The following GUCD1 variants were observed in gnomAD, a reference collection of about 807,000 sequenced individuals.
The protein encoded by GUCD1 is guanylyl cyclase domain containing 1, also known as protein GUCD1.
A neutral mutation model predicts 28.3 loss-of-function variants in GUCD1; 17 were observed. The observed-to-expected ratio is 0.60, with a 90% CI of 0.41 to 0.90. The LOEUF (loss-of-function observed/expected upper bound fraction) is 0.90. Ranked by LOEUF, GUCD1 falls within the 40% of genes least tolerant of loss-of-function variation. GUCD1 has a pLI of 0.00. For missense variants in GUCD1, 279 were observed against 305.5 expected (o/e 0.91, Z 0.65); for synonymous variants, 129 against 123.3 (o/e 1.05, Z -0.30).
rs1223270852 is a variant in GUCD1 at position 24,555,066 on chromosome 22, G to A, written c.-75C>T. 3.0e-6 allele frequency: 4 copies of A among 1,351,738 alleles called. No homozygotes were observed. In the East Asian group the frequency reaches 9.1e-5, roughly 31 times the overall value. The allele number at this position is 1,351,738 out of a possible 1,614,324, so 83.7% of individuals were successfully genotyped here. A position where few individuals can be genotyped will look rare whatever the true frequency, so the allele number is the denominator to read the frequency against. ...GCTTCCGCTTCGGCTGGGGCGGGAG[G>A]GCGGTCGGTGCGTGTCGAGTTCCTT... On this transcript the variant is annotated 5_prime_UTR_variant, in exon 1 of 6. Transcript: ENST00000435822.
intron 3 of GUCD1, chr22:24,547,532 T>TA (rs1169027982): frequency 1.4e-5 from 3 of 214,966 alleles, no homozygotes; most frequent in Non-Finnish European, 1.9e-5. Flanking sequence ...TGGTGAAAAG[T>TA]AAAAAAATGT....
chr22:24,547,071 GAAAT>G, intron 3 of GUCD1, 66 bp from the exon 4 acceptor site: 2 of 1,236,984 alleles, frequency 1.6e-6, no homozygotes, highest in Non-Finnish European at 2.4e-6. Context: ...TTAGATGAAG[GAAAT>G]AAAGAGCGTG....
Position 24,549,133 on chromosome 22 carries a change from A to G in GUCD1, c.44-132T>C. 3 of 614,546 alleles carry G rather than the reference A, an allele frequency of 4.9e-6. No homozygotes were observed. In the South Asian group the frequency reaches 5.7e-5, roughly 12 times the overall value. 38.1% of individuals were successfully genotyped at this position (614,546 alleles called of 1,614,324 possible). A position where few individuals can be genotyped will look rare whatever the true frequency, so the allele number is the denominator to read the frequency against. ...CTCAGGGACCTTCCCACAATCCTTCAGGAATCCCCTCAAATCCAGGCTCCT... is the reference window on the plus strand; with the variant it reads ...CTCAGGGACCTTCCCACAATCCTTCGGGAATCCCCTCAAATCCAGGCTCCT... On this transcript the variant is annotated intron_variant, in intron 1 of 5. Transcript: ENST00000435822.
chr22:24,543,737 G>C, intron 5 of GUCD1, 105 bp downstream of exon 5: 1 of 1,405,042 alleles, frequency 7.1e-7, no homozygotes, highest in Non-Finnish European at 9.8e-7. Context: ...GGTAGGGAGG[G>C]AGGCCCTGGC....
At chr22:24,554,469 A>G (rs2044975247) in intron 1 of GUCD1, among the ~76,000 whole-genome samples, 2 of 152,148 alleles carry the variant, frequency 1.3e-5, no homozygotes, top group South Asian at 2.1e-4. Context: ...CCCCTCCCCT[A>G]CGTCTTGGGC....
upstream of GUCD1, chr22:24,555,663 C>T (rs1471538775): frequency 7.7e-6 from 12 of 1,550,548 alleles, no homozygotes; most frequent in Non-Finnish European, 1.0e-5. Flanking sequence ...AAGTCCTGGC[C>T]CTTGGCCCAA....
intron 1 of GUCD1, among the ~76,000 whole-genome samples, chr22:24,550,570 C>A (rs1457524242): frequency 6.6e-6 from 1 of 152,206 alleles, no homozygotes; most frequent in Non-Finnish European, 1.5e-5. Context: ...ATTGTTTCCC[C>A]ATCTGGCAGG....
rs1601529772 is a variant in GUCD1, at chr22:24,541,769, G to A, written c.*1237C>T. The A allele has an allele frequency of 1.3e-5, 2 of 152,238 alleles. No individual in the cohort carries two copies. Among genetic ancestry groups the A allele is most frequent in the East Asian group, 1.9e-4 (1 of 5,192 alleles). The allele number at this position is 152,238 out of a possible 1,614,324, so 9.4% of individuals were successfully genotyped here. On this transcript the variant is annotated 3_prime_UTR_variant, in exon 6 of 6. Transcript: ENST00000435822. Reference sequence around the variant, plus strand: ...GCTGCCTCGTCTGAGAGGTGAAGGGGCAGGTACTTAAACCACTGGCCAAGT... The same window carrying A: ...GCTGCCTCGTCTGAGAGGTGAAGGGACAGGTACTTAAACCACTGGCCAAGT...
intron 1 of GUCD1, 142 bp from the exon 2 acceptor site, chr22:24,549,143 T>G (rs1421472921): frequency 1.6e-6 from 1 of 606,570 alleles, no homozygotes; most frequent in Non-Finnish European, 3.0e-6. Context: ...AGGAATCCCC[T>G]CAAATCCAGG....
Position 24,549,438 on chromosome 22 carries a change from C to A in GUCD1, c.44-437G>T, listed in dbSNP as rs146206351. Among the ~76,000 whole-genome samples, 511 of 152,244 alleles carry A rather than the reference C, an allele frequency of 3.4e-3. 4 individuals are homozygous for A. The highest frequency in any genetic ancestry group is 0.011 in the African/African-American group (475 of 41,542). On this transcript the variant is annotated intron_variant, in intron 1 of 5. Transcript: ENST00000435822. ...TATTGCCCCTCTCAGGCCCAGTGAC[C>A]CACATGTGCATTCACTTCCCACCAT...
rs149529420 is a variant in GUCD1 at position 24,548,153 on chromosome 22, G to A, written c.129-80C>T. 2,079 of 1,248,016 alleles carry A rather than the reference G, an allele frequency of 1.7e-3. 2 individuals are homozygous for A. The highest frequency in any genetic ancestry group is 2.2e-3 in the Non-Finnish European group (1,908 of 876,212). The allele number at this position is 1,248,016 out of a possible 1,614,324, so 77.3% of individuals were successfully genotyped here. ...AGTCACCCTCCACCCACTGGCCCAA[G>A]AGCCCCGTCACAGGTCCCATTCCCC... On this transcript the variant is annotated intron_variant, in intron 2 of 5. Transcript: ENST00000435822.
At chr22:24,553,231 A>G (rs1450450517) in intron 1 of GUCD1, among the ~76,000 whole-genome samples, 1 of 152,170 alleles carries the variant, frequency 6.6e-6, no homozygotes, top group Non-Finnish European at 1.5e-5. Flanking sequence ...GGAGTGTCCA[A>G]TCTTTTGGCT....
chr22:24,554,820 CTG>C, intron 1 of GUCD1, 127 bp downstream of exon 1: 1 of 698,032 alleles, frequency 1.4e-6, no homozygotes, highest in Non-Finnish European at 2.5e-6. Context: ...CCCCCACTGA[CTG>C]GAACCAGGCG....
upstream of GUCD1, chr22:24,555,827 A>T (rs1254298349): frequency 1.9e-6 from 3 of 1,545,358 alleles, no homozygotes; most frequent in East Asian, 7.3e-5. Context: ...CCCAGTCATC[A>T]GCCCTCTTTT....
At chr22:24,543,764 GGTGGGAACT>G (rs2044652638) in intron 5 of GUCD1, 69 bp downstream of exon 5, 1 of 1,545,084 alleles carries the variant, frequency 6.5e-7, no homozygotes, top group Non-Finnish European at 8.8e-7. Context: ...AGATTGAATG[GGTGGGAACT>G]GTGGGCACTG....
At position 24,555,111 on chromosome 22, in the gene GUCD1, G is replaced by A; in HGVS notation, c.-120C>T. The A allele has an allele frequency of 7.6e-7, 1 of 1,316,790 alleles. No individual in the cohort carries two copies. The highest frequency in any genetic ancestry group is 2.1e-5 in the South Asian group (1 of 46,598). 81.6% of individuals were successfully genotyped at this position (1,316,790 alleles called of 1,614,324 possible). ...TTCCTTCTCCGCCACCGCCGCCGCT[G>A]CGGAGGAGAGAACGGGAGGCGGCGG... On this transcript the variant is annotated 5_prime_UTR_variant, in exon 1 of 6. Transcript: ENST00000435822.
upstream of GUCD1, chr22:24,555,854 C>G (rs755794985): frequency 2.6e-6 from 4 of 1,533,888 alleles, no homozygotes; most frequent in Non-Finnish European, 3.5e-6. Context: ...CCGGAACTAT[C>G]GTACTGGTGC....
intron 1 of GUCD1, 40 bp downstream of exon 1, chr22:24,554,909 G>T: frequency 1.3e-6 from 2 of 1,503,270 alleles, no homozygotes; most frequent in Non-Finnish European, 1.8e-6. Flanking sequence ...GGTCCCTTTC[G>T]TTCCTAGGGT....
intron 3 of GUCD1, chr22:24,547,294 A>C (rs1482418899): frequency 2.5e-6 from 1 of 395,448 alleles, no homozygotes; most frequent in Admixed American, 3.8e-5. Context: ...TTGGGCTTGT[A>C]CACTCTGGCA....
Sources: gnomAD v4.1 joint callset for allele counts (sites outside exome capture counted in the v4.1 genomes callset) on GRCh38, gnomAD v4.1.1 for gene constraint, MANE v1.5 for transcripts, NCBI Gene and HGNC (gene_info 2026-07-23, HGNC 2026-07-21) for gene names.